PRDM11: variants seen among roughly 807,000 people sequenced by gnomAD.
PRDM11 encodes PR domain-containing protein 11.
PRDM11 carries 20 observed loss-of-function variants against 97.8 expected under a neutral mutation model. That is an observed-to-expected ratio of 0.20 (90% CI 0.14 to 0.30). The LOEUF (loss-of-function observed/expected upper bound fraction) is 0.30, where lower values mean the gene tolerates loss of function less well. PRDM11 is among the 10% of genes least tolerant of loss of function. The pLI, the probability that PRDM11 is intolerant of heterozygous loss-of-function variation, is 1.00. For synonymous variants in PRDM11, 599 were observed against 637.7 expected (o/e 0.94, Z 0.91); for missense variants, 1,139 against 1,555.2 (o/e 0.73, Z 4.50).
upstream of PRDM11, among the ~76,000 whole-genome samples, chr11:45,143,043 C>T (rs1283974379): frequency 1.3e-5 from 2 of 152,184 alleles, no homozygotes; most frequent in African/African-American, 2.4e-5. Context: ...GCAACCCGTG[C>T]AAGAAGGGAA....
At chr11:45,199,793 A>T (rs991963591) in intron 4 of PRDM11, among the ~76,000 whole-genome samples, 4 of 152,170 alleles carry the variant, frequency 2.6e-5, no homozygotes, top group Non-Finnish European at 5.9e-5. Context: ...AGTGGCATGT[A>T]ACGTGGTCCA....
rs532998448 is a variant in PRDM11 at position 45,182,944 on chromosome 11, G to A, written c.307G>A (p.Val103Met). 23 of 1,613,830 alleles carry A rather than the reference G, an allele frequency of 1.4e-5. No individual in the cohort carries two copies. The highest frequency in any genetic ancestry group is 2.2e-5 in the South Asian group (2 of 91,066). The change falls in exon 4 of 8, where the codon GTG becomes ATG. Residue 103 changes from valine (V) to methionine (M), a missense_variant. Val to Met is a conservative substitution (Grantham distance 21, BLOSUM62 1). Transcript: ENST00000683152. The part of the protein sequence containing the change: ...PVFVSDTPVP[V>M]GIPDRAALTI... The stretch of plus-strand genomic sequence containing the variant: ...GTTTGTGTCTGACACACCGGTGCCC[G>A]TGGGCATCCCAGACCGGGCGGCGCT...
At chr11:45,117,147 C>T (rs139041126) in intron 1 of PRDM11, among the ~76,000 whole-genome samples, 5 of 147,622 alleles carry the variant, frequency 3.4e-5, no homozygotes, top group African/African-American at 1.0e-4. Flanking sequence ...TTGCTTGAAC[C>T]TGGGAGGCAG....
chr11:45,128,637 TTCATTTAAAAACTGAATCTG>T, intron 1 of PRDM11, among the ~76,000 whole-genome samples: 1 of 152,102 alleles, frequency 6.6e-6, no homozygotes, highest in Non-Finnish European at 1.5e-5. Context: ...TAGTCTAATA[TTCATTTAAAAACTGAATCTG>T]TAATTGAAAA....
intron 1 of PRDM11, among the ~76,000 whole-genome samples, chr11:45,114,826 A>C (rs1018360917): frequency 1.3e-5 from 2 of 152,254 alleles, no homozygotes; most frequent in African/African-American, 4.8e-5. Flanking sequence ...GAAAGGGAAA[A>C]AAAAACTTAG....
chr11:45,194,592 G>GTTTTTT (rs869144098), intron 4 of PRDM11, among the ~76,000 whole-genome samples: 5 of 70,888 alleles, frequency 7.1e-5, no homozygotes, highest in East Asian at 3.7e-4. Flanking sequence ...ATTATCTTCT[G>GTTTTTT]TTTTTTTTTT....
At chr11:45,139,775 G>A (rs943972982) in intron 1 of PRDM11, among the ~76,000 whole-genome samples, 1 of 152,026 alleles carries the variant, frequency 6.6e-6, no homozygotes, top group African/African-American at 2.4e-5. Context: ...CTATGTGTTG[G>A]TCTTCCTTGG....
chr11:45,186,728 T>A (rs1039805000), intron 4 of PRDM11, among the ~76,000 whole-genome samples: 1 of 152,170 alleles, frequency 6.6e-6, no homozygotes, highest in Non-Finnish European at 1.5e-5. Context: ...CACTGAGCAA[T>A]TATTATATGC....
chr11:45,209,188 T>C, intron 5 of PRDM11: 1 of 450,186 alleles, frequency 2.2e-6, no homozygotes, highest in Middle Eastern at 3.3e-4. Context: ...CCCACCATCG[T>C]GCTCACGGCC....
In PRDM11 at chr11:45,181,813, T is replaced by C. The variant is rs145570946; in HGVS notation, c.47T>C (p.Val16Ala). The change falls in exon 2 of 8, where the codon GTG becomes GCG. Residue 16 changes from valine to alanine, a missense_variant. Val to Ala is a moderately conservative substitution (Grantham distance 64, BLOSUM62 0). This residue lies in a region of PRDM11 where 429 missense variants were observed against 510.3 expected (regional missense o/e 0.84). Transcript: ENST00000683152. ...TGCTTGGCCCAGACCAATGCAGCCG[T>C]GGGGGATATGGTGACGGTGGTGAAG... is the stretch of plus-strand genomic sequence containing the variant. ...KECLAQTNAA[V>A]GDMVTVVKTE... is the part of the protein sequence containing the mutation. 1.2e-6 allele frequency: 2 copies of C among 1,612,796 alleles called. No homozygotes were observed. Among genetic ancestry groups the C allele is most frequent in the African/African-American group, 2.7e-5 (2 of 74,690 alleles).
At chr11:45,107,096 G>A (rs1852074813) in intron 1 of PRDM11, among the ~76,000 whole-genome samples, 2 of 152,200 alleles carry the variant, frequency 1.3e-5, no homozygotes, top group Non-Finnish European at 2.9e-5. Context: ...GGGGCTGGCT[G>A]AAGGCACCCA....
At chr11:45,128,330 C>T (rs758858081) in intron 1 of PRDM11, among the ~76,000 whole-genome samples, 17 of 152,186 alleles carry the variant, frequency 1.1e-4, no homozygotes, top group East Asian at 5.8e-4. Context: ...TGCTTCGGCT[C>T]GCACACAGTG....
chr11:45,157,429 G>A (rs558828129), intron 1 of PRDM11, among the ~76,000 whole-genome samples: 160 of 152,252 alleles, frequency 1.1e-3, no homozygotes, highest in African/African-American at 3.7e-3. Context: ...GAGCTCAGGC[G>A]TTAATGCTTG....
At chr11:45,181,444 C>A (rs1259102926) in intron 1 of PRDM11, among the ~76,000 whole-genome samples, 1 of 152,232 alleles carries the variant, frequency 6.6e-6, no homozygotes, top group East Asian at 1.9e-4. Context: ...TGGGATCCTC[C>A]TGCCCTTTGC....
intron 1 of PRDM11, among the ~76,000 whole-genome samples, chr11:45,112,586 C>T (rs1254839155): frequency 6.6e-6 from 1 of 152,218 alleles, no homozygotes; most frequent in Non-Finnish European, 1.5e-5. Flanking sequence ...TTCATGACAT[C>T]CATGCCAACA....
intron 1 of PRDM11, among the ~76,000 whole-genome samples, chr11:45,172,039 A>G (rs185884213): frequency 1.6e-4 from 24 of 152,348 alleles, no homozygotes; most frequent in Admixed American, 1.3e-3. Context: ...CCTCTGACCA[A>G]CATAAATCCA....
intron 1 of PRDM11, among the ~76,000 whole-genome samples, chr11:45,132,792 C>T (rs1481585107): frequency 1.3e-5 from 2 of 152,154 alleles, no homozygotes; most frequent in Admixed American, 6.5e-5. Flanking sequence ...ACCCAGCTAC[C>T]TAGGGAGAAG....
chr11:45,198,618 G>C (rs753531100), intron 4 of PRDM11, among the ~76,000 whole-genome samples: 2 of 152,232 alleles, frequency 1.3e-5, no homozygotes, highest in East Asian at 3.8e-4. Context: ...GAGCCCAACA[G>C]TGAATCTTCG....
intron 4 of PRDM11, among the ~76,000 whole-genome samples, chr11:45,188,370 T>C (rs117746529): frequency 0.012 from 1,838 of 152,236 alleles, 19 homozygotes; most frequent in Non-Finnish European, 0.018. Flanking sequence ...AGCTGGTGAG[T>C]CACTGAGCTG....
Sources: allele counts gnomAD v4.1 joint callset (sites outside exome capture counted in the v4.1 genomes callset), GRCh38; gene constraint gnomAD v4.1.1; regional missense constraint gnomAD v4.1.1; transcripts MANE v1.5; gene names NCBI Gene and HGNC (gene_info 2026-07-23, HGNC 2026-07-21).